NOC2L: variants seen among roughly 807,000 people sequenced by gnomAD.
NOC2L encodes nucleolar complex protein 2 homolog.
In NOC2L, 101 loss-of-function variants were observed where a neutral mutation model predicts 94.2. The observed-to-expected ratio is 1.07, with a 90% CI of 0.91 to 1.26. NOC2L has a LOEUF of 1.26. Among genes scored for constraint, NOC2L ranks in the 50% most tolerant of loss-of-function variants. NOC2L has a pLI of 0.00. For missense variants in NOC2L, 1,076 were observed against 980.1 expected (o/e 1.10, Z -1.31); for synonymous variants, 531 against 413.4 (o/e 1.28, Z -3.45).
intron 12 of NOC2L, 110 bp downstream of exon 12, chr1:951,017 G>A (rs1203121151): frequency 2.1e-5 from 17 of 818,970 alleles, no homozygotes; most frequent in South Asian, 1.0e-4. Context: ...ACAAGGAGGC[G>A]GCCAGGGCTC....
chr1:953,761 G>A lies in NOC2L; in HGVS notation c.888+21C>T, dbSNP rs1273446662. The A allele has an allele frequency of 7.7e-6, 12 of 1,566,388 alleles. No homozygotes were observed. The South Asian group carries it at 1.1e-4, about 14-fold the overall frequency. Reference sequence around the variant, plus strand: ...CCCCCCGACCCCATGACAGACACAGGGAGGGGACTGGGCCACGAACCTTGA... The same window carrying A: ...CCCCCCGACCCCATGACAGACACAGAGAGGGGACTGGGCCACGAACCTTGA... On this transcript the variant is annotated intron_variant, in intron 8 of 18. Transcript: ENST00000327044.
At chr1:953,512 G>A (rs893229578) in intron 8 of NOC2L, among the ~76,000 whole-genome samples, 5 of 152,258 alleles carry the variant, frequency 3.3e-5, no homozygotes, top group Admixed American at 1.3e-4. Flanking sequence ...CGTCAGACAC[G>A]CCGACGTATG....
At position 945,549 on chromosome 1, in the gene NOC2L, T is replaced by C; in HGVS notation, c.2022A>G (p.Glu674=). The change falls in exon 17 of 19, where the codon GAA becomes GAG. Residue 674 remains glutamate (E), a synonymous_variant. Transcript: ENST00000327044. Reference sequence around the variant, plus strand: ...CCGAGAATCCCTCGGTGTCGTCCTCTTCAGAGCTGTTCAGGTCAAAGAGGT... The same window carrying C: ...CCGAGAATCCCTCGGTGTCGTCCTCCTCAGAGCTGTTCAGGTCAAAGAGGT... The part of the protein sequence containing the change: ...FKDLFDLNSS[E]EDDTEGFSER... 1 of 1,613,970 alleles carries C rather than the reference T, an allele frequency of 6.2e-7. No homozygotes were observed. Among genetic ancestry groups the C allele is most frequent in the Non-Finnish European group, 8.5e-7 (1 of 1,179,894 alleles).
chr1:952,119 G>A lies in NOC2L; in HGVS notation c.1212C>T (p.Tyr404=). 1 of 1,613,642 alleles carries A rather than the reference G, an allele frequency of 6.2e-7. No homozygotes were observed. Residue 404 remains tyrosine, a synonymous_variant, in exon 11 of 19, where the codon TAC becomes TAT. Coordinates refer to ENST00000327044, the MANE Select transcript of NOC2L (RefSeq NM_015658.4). ...AGAGGCAGTGCACATACTGCCAGTTGTACACAGACTGGTATGTTTCCTGGT... is the reference window on the plus strand; with the variant it reads ...AGAGGCAGTGCACATACTGCCAGTTATACACAGACTGGTATGTTTCCTGGT... ...TRKKETYQSV[Y]NWQYVHCLFL... is the part of the protein sequence containing the mutation.
chr1:951,065 G>T, intron 12 of NOC2L, 62 bp downstream of exon 12: 1 of 1,295,182 alleles, frequency 7.7e-7, no homozygotes, highest in Non-Finnish European at 1.1e-6. Context: ...GACGCCCGGA[G>T]CAGCAGATGC....
At chr1:951,930 C>T (rs777500720) in intron 11 of NOC2L, 70 bp downstream of exon 11, 40 of 1,534,772 alleles carry the variant, frequency 2.6e-5, no homozygotes, top group Non-Finnish European at 3.4e-5. Context: ...CCAGAGGCAC[C>T]GCCCACACAG....
chr1:955,606 C>T lies in NOC2L; in HGVS notation c.698+317G>A, dbSNP rs145762086. Among the ~76,000 whole-genome samples, 14 of 152,322 alleles carry T rather than the reference C, an allele frequency of 9.2e-5. No individual in the cohort carries two copies. In the East Asian group the frequency reaches 1.9e-3, roughly 21 times the overall value. ...GGAGTATGGACAGGACTTACAAGTTCTTACAAAGGGAAATAGAGCAAGAAC... is the reference window on the plus strand; with the variant it reads ...GGAGTATGGACAGGACTTACAAGTTTTTACAAAGGGAAATAGAGCAAGAAC... On this transcript the variant is annotated intron_variant, in intron 6 of 18. Coordinates refer to ENST00000327044, the MANE Select transcript of NOC2L (RefSeq NM_015658.4).
rs532913422 is a variant in NOC2L, at chr1:951,386, C to G, written c.1332-148G>C. ...GTCTGAACCCCAGGGACCTGCACCCCTTGCCCAGCTATGGGGCTGCAGGTA... is the reference window on the plus strand; with the variant it reads ...GTCTGAACCCCAGGGACCTGCACCCGTTGCCCAGCTATGGGGCTGCAGGTA... On this transcript the variant is annotated intron_variant, in intron 11 of 18. Coordinates refer to ENST00000327044, the MANE Select transcript of NOC2L (RefSeq NM_015658.4). 6.6e-4 allele frequency: 429 copies of G among 647,950 alleles called. 5 individuals carry two copies. The Middle Eastern group carries it at 7.3e-3, about 11-fold the overall frequency. The allele number at this position is 647,950 out of a possible 1,614,324, so 40.1% of individuals were successfully genotyped here. A position where few individuals can be genotyped will look rare whatever the true frequency, so the allele number is the denominator to read the frequency against.
At position 944,287 on chromosome 1, in the gene NOC2L, C is replaced by A; in HGVS notation, c.*407G>T. ...AAAATTTTAAAAGAAAATGTGACTT[C>A]AAAGGAAAGGAACAAATTTTCAAAG... On this transcript the variant is annotated 3_prime_UTR_variant, in exon 19 of 19. Transcript: ENST00000327044. 15 of 1,420,344 alleles carry A rather than the reference C, an allele frequency of 1.1e-5. No individual in the cohort carries two copies. The highest frequency in any genetic ancestry group is 1.4e-5 in the Non-Finnish European group (15 of 1,090,112). The allele number at this position is 1,420,344 out of a possible 1,614,324, so 88.0% of individuals were successfully genotyped here.
In NOC2L at chr1:952,493, C is replaced by T. The variant is rs750658361; in HGVS notation, c.1110G>A (p.Pro370=). 6.2e-6 allele frequency: 10 copies of T among 1,613,700 alleles called. 1 individual carries two copies. The highest frequency in any genetic ancestry group is 4.4e-5 in the South Asian group (4 of 91,094). Residue 370 remains proline, a synonymous_variant, in exon 10 of 19, where the codon CCG becomes CCA. Transcript: ENST00000327044. ...WTLTELLALE[P]GVAYQHAFLY... Reference sequence around the variant, plus strand: ...GGAAGGCGTGCTGGTAGGCCACACCCGGCTCCAGGGCCAGCAGCTCCGTCA... The same window carrying T: ...GGAAGGCGTGCTGGTAGGCCACACCTGGCTCCAGGGCCAGCAGCTCCGTCA...
rs1301283372 is a variant in NOC2L, at chr1:944,622, C to A, written c.*72G>T. The A allele has an allele frequency of 3.2e-6, 3 of 935,344 alleles. No individual in the cohort carries two copies. Among genetic ancestry groups the A allele is most frequent in the South Asian group, 2.8e-5 (2 of 70,536 alleles). 57.9% of individuals were successfully genotyped at this position (935,344 alleles called of 1,614,324 possible). A position where few individuals can be genotyped will look rare whatever the true frequency, so the allele number is the denominator to read the frequency against. On this transcript the variant is annotated 3_prime_UTR_variant, in exon 19 of 19. Transcript: ENST00000327044. ...AACTGCACAGACGCCAGCCTCTAGG[C>A]CTGACTGCCAGGGAGGTGGAAACAC...
chr1:949,839 G>A (rs887496199), intron 12 of NOC2L, among the ~76,000 whole-genome samples: 3 of 152,210 alleles, frequency 2.0e-5, no homozygotes, highest in Admixed American at 2.0e-4. Context: ...AGGGGAATCA[G>A]AACGTGCCTG....
At position 954,218 on chromosome 1, in the gene NOC2L, G is replaced by C. The variant is rs72904546; in HGVS notation, c.699-136C>G. On this transcript the variant is annotated intron_variant, in intron 6 of 18. Coordinates refer to ENST00000327044, the MANE Select transcript of NOC2L (RefSeq NM_015658.4). ...ACCCCCCGTCTCTCCACTCAAAAAA[G>C]CTCAGGGCCCCTTACAGCTGGACAG... 1.4e-4 allele frequency: 106 copies of C among 753,538 alleles called. No individual in the cohort carries two copies. In the African/African-American group the frequency reaches 1.8e-3, roughly 13 times the overall value. The allele number at this position is 753,538 out of a possible 1,614,324, so 46.7% of individuals were successfully genotyped here. A position where few individuals can be genotyped will look rare whatever the true frequency, so the allele number is the denominator to read the frequency against.
chr1:944,857 T>G (rs1642047653), intron 18 of NOC2L, 57 bp from the exon 19 acceptor site: 6 of 1,362,484 alleles, frequency 4.4e-6, no homozygotes, highest in Non-Finnish European at 6.1e-6. Flanking sequence ...AAGCCAGCCT[T>G]AGAGGTTACT....
intron 2 of NOC2L, 33 bp downstream of exon 2, chr1:958,896 C>T: frequency 6.2e-7 from 1 of 1,612,208 alleles, no homozygotes; most frequent in Non-Finnish European, 8.5e-7. Context: ...ACAGGACGAG[C>T]AAGAGGTTCT....
In NOC2L at chr1:945,744, G is replaced by C. The variant is rs1034323138; in HGVS notation, c.1918-91C>G. 8.6e-6 allele frequency: 13 copies of C among 1,503,252 alleles called. No homozygotes were observed. In the East Asian group the frequency reaches 2.9e-4, roughly 34 times the overall value. The allele number at this position is 1,503,252 out of a possible 1,614,324, so 93.1% of individuals were successfully genotyped here. ...AGGCATCGCCAGACCCACCACCAGG[G>C]CCCCATGTGGCCAATTTCTAGTCCC... On this transcript the variant is annotated intron_variant, in intron 16 of 18. Transcript: ENST00000327044.
intron 12 of NOC2L, among the ~76,000 whole-genome samples, chr1:950,316 GAC>G (rs968756592): frequency 7.2e-5 from 11 of 151,868 alleles, no homozygotes; most frequent in South Asian, 6.2e-4. Flanking sequence ...GATGCACGCA[GAC>G]ACACATGCAT....
In NOC2L at chr1:958,877, C is replaced by G. The variant is rs780755012; in HGVS notation, c.179+52G>C. 6.8e-6 allele frequency: 11 copies of G among 1,607,170 alleles called. No homozygotes were observed. The East Asian group carries it at 1.1e-4, about 16-fold the overall frequency. On this transcript the variant is annotated intron_variant, in intron 2 of 18. Coordinates refer to ENST00000327044, the MANE Select transcript of NOC2L (RefSeq NM_015658.4). ...CCCCAGGCGAGGTCAGCAACCCAAC[C>G]GGGGTGGGACAGGACGAGCAAGAGG...
chr1:944,982 C>T lies in NOC2L; in HGVS notation c.2143+75G>A, dbSNP rs561019479. On this transcript the variant is annotated intron_variant, in intron 18 of 18. Coordinates refer to ENST00000327044, the MANE Select transcript of NOC2L (RefSeq NM_015658.4). ...AAAAGCCTGGCCCAGAGCCCCACGC[C>T]CCCCGCCCACGTGGCTCTGCCCTCC... 35 of 1,604,366 alleles carry T rather than the reference C, an allele frequency of 2.2e-5. No homozygotes were observed. In the South Asian group the frequency reaches 3.7e-4, roughly 17 times the overall value.
Sources: allele counts gnomAD v4.1 joint callset (sites outside exome capture counted in the v4.1 genomes callset), GRCh38; gene constraint gnomAD v4.1.1; transcripts MANE v1.5; gene names NCBI Gene and HGNC (gene_info 2026-07-23, HGNC 2026-07-21).